Variants in HS1BP3 observed in about 807,000 individuals in gnomAD.
HS1BP3 encodes the protein HCLS1 binding protein 3.
HS1BP3 carries 32 observed loss-of-function variants against 33.5 expected under a neutral mutation model. The ratio of observed to expected loss-of-function variants is 0.95; its 90% CI spans 0.72 to 1.28. The LOEUF (loss-of-function observed/expected upper bound fraction) is 1.28. Ranked by LOEUF, HS1BP3 falls within the 50% of genes most tolerant of loss-of-function variation. The pLI is 0.00. For synonymous variants in HS1BP3, 187 were observed against 209.2 expected (o/e 0.89, Z 0.92); for missense variants, 486 against 502.3 (o/e 0.97, Z 0.31).
chr2:20,634,033 C>G (rs752897012), intron 4 of HS1BP3, among the ~76,000 whole-genome samples: 1 of 152,194 alleles, frequency 6.6e-6, no homozygotes, highest in Non-Finnish European at 1.5e-5. Context: ...CATCCTGGCT[C>G]GTGGCCCCCA....
At chr2:20,638,845 G>A (rs1440569302) in intron 3 of HS1BP3, among the ~76,000 whole-genome samples, 193 bp from the exon 4 acceptor site, 2 of 152,196 alleles carry the variant, frequency 1.3e-5, no homozygotes, top group East Asian at 1.9e-4. Flanking sequence ...CCTCCGTTTC[G>A]GGGGCAGCCA....
At chr2:20,580,316 C>G (rs922115206) in intron 5 of HS1BP3, among the ~76,000 whole-genome samples, 1 of 152,100 alleles carries the variant, frequency 6.6e-6, no homozygotes, top group Non-Finnish European at 1.5e-5. Context: ...CTCAGAAGTT[C>G]GAGACCAGCC....
At chr2:20,640,876 C>T (rs755201858) in intron 3 of HS1BP3, 97 bp downstream of exon 3, 1 of 1,222,402 alleles carries the variant, frequency 8.2e-7, no homozygotes, top group Admixed American at 1.8e-5. Context: ...CTCCAGGCTG[C>T]AGAGGCAGCT....
intron 2 of HS1BP3, 22 bp downstream of exon 2, chr2:20,645,318 C>A: frequency 6.2e-7 from 1 of 1,608,566 alleles, no homozygotes; most frequent in Non-Finnish European, 8.5e-7. Flanking sequence ...TCGAAACATC[C>A]TGGCCAGAGC....
chr2:20,625,321 C>T (rs13398065), intron 4 of HS1BP3, among the ~76,000 whole-genome samples: 3,082 of 152,320 alleles, frequency 0.02, 70 homozygotes, highest in African/African-American at 0.059. Flanking sequence ...AGCTCTTAGA[C>T]GCCTTCAGGC....
intron 2 of HS1BP3, among the ~76,000 whole-genome samples, chr2:20,600,343 G>C (rs1020905649): frequency 6.6e-6 from 1 of 152,150 alleles, no homozygotes. Context: ...CAGACAAAGA[G>C]GGATTAATAG....
At chr2:20,574,528 C>G (rs192432412) in intron 5 of HS1BP3, among the ~76,000 whole-genome samples, 464 of 152,274 alleles carry the variant, frequency 3.0e-3, no homozygotes, top group African/African-American at 0.01. Flanking sequence ...AGAGGAAGAC[C>G]TGGGGCATAC....
At chr2:20,628,066 T>C (rs1694844373) in intron 4 of HS1BP3, among the ~76,000 whole-genome samples, 1 of 152,176 alleles carries the variant, frequency 6.6e-6, no homozygotes. Flanking sequence ...CAGCGCCCTA[T>C]GTGCGAAAGC....
intron 4 of HS1BP3, 78 bp downstream of exon 4, chr2:20,638,358 G>T: frequency 7.1e-7 from 1 of 1,403,950 alleles, no homozygotes. Context: ...GCTTTTCTCA[G>T]ATTCCAGGGA....
chr2:20,566,576 G>A (rs1693132870), intron 5 of HS1BP3, among the ~76,000 whole-genome samples: 1 of 152,052 alleles, frequency 6.6e-6, no homozygotes, highest in Non-Finnish European at 1.5e-5. Flanking sequence ...GCAGCTGTGA[G>A]GCCAGGGATG....
intron 1 of HS1BP3, among the ~76,000 whole-genome samples, chr2:20,645,951 C>A (rs1165567682): frequency 6.6e-6 from 1 of 152,170 alleles, no homozygotes; most frequent in Admixed American, 6.5e-5. Context: ...GCTACAGGCC[C>A]CCTGGGGGGG....
chr2:20,588,012 C>T (rs573424315), downstream of HS1BP3, among the ~76,000 whole-genome samples: 18 of 152,130 alleles, frequency 1.2e-4, 1 homozygote, highest in African/African-American at 4.3e-4. Context: ...ACATGGGACA[C>T]CTTGGGGTGG....
intron 5 of HS1BP3, among the ~76,000 whole-genome samples, chr2:20,577,970 C>G (rs998938966): frequency 2.0e-5 from 3 of 152,258 alleles, no homozygotes; most frequent in Admixed American, 2.0e-4. Context: ...ACTTCAACCC[C>G]CTTCACAGCT....
intron 2 of HS1BP3, chr2:20,606,391 G>A: frequency 4.3e-6 from 2 of 468,976 alleles, no homozygotes; most frequent in South Asian, 3.6e-5. Context: ...AGGAGCTCCT[G>A]AAGGCTGCCC....
At chr2:20,645,814 T>A (rs139073683) in intron 1 of HS1BP3, among the ~76,000 whole-genome samples, 161 of 152,268 alleles carry the variant, frequency 1.1e-3, no homozygotes, top group African/African-American at 3.8e-3. Context: ...CTGTGCAGAA[T>A]GGGTGGGAGC....
chr2:20,562,599 C>A (rs1316524853), intron 5 of HS1BP3, among the ~76,000 whole-genome samples: 3 of 152,212 alleles, frequency 2.0e-5, no homozygotes, highest in Non-Finnish European at 2.9e-5. Flanking sequence ...GTCACAGGAA[C>A]CCATGATTTA....
intron 3 of HS1BP3, among the ~76,000 whole-genome samples, chr2:20,597,338 A>T (rs543801115): frequency 1.0e-3 from 153 of 152,290 alleles, no homozygotes; most frequent in Middle Eastern, 3.4e-3. Flanking sequence ...TTTTGTCTAA[A>T]TTTATCATTT....
chr2:20,555,107 T>C, the HS1BP3 span, among the ~76,000 whole-genome samples: 5 of 152,352 alleles, frequency 3.3e-5, no homozygotes, highest in East Asian at 9.7e-4. Context: ...TCGCAATCCA[T>C]GTTTACACCA....
At chr2:20,596,878 C>A (rs1203822936) in intron 3 of HS1BP3, among the ~76,000 whole-genome samples, 2 of 152,172 alleles carry the variant, frequency 1.3e-5, no homozygotes, top group Non-Finnish European at 2.9e-5. Context: ...CTCATAGGTA[C>A]CCCATCAGAA....
Sources: allele counts gnomAD v4.1 joint callset (sites outside exome capture counted in the v4.1 genomes callset), GRCh38; gene constraint gnomAD v4.1.1; transcripts MANE v1.5; gene names NCBI Gene and HGNC (gene_info 2026-07-23, HGNC 2026-07-21).